Variants in ARMC2 observed in about 807,000 individuals in gnomAD.
ARMC2 encodes armadillo repeat containing 2.
A neutral mutation model predicts 90.3 loss-of-function variants in ARMC2; 67 were observed. That is an observed-to-expected ratio of 0.74 (90% CI 0.61 to 0.91). The LOEUF (loss-of-function observed/expected upper bound fraction) is 0.91. Ranked by LOEUF, ARMC2 falls within the 40% of genes least tolerant of loss-of-function variation. ARMC2 has a pLI of 0.00. For synonymous variants in ARMC2, 393 were observed against 393.0 expected, an observed-to-expected ratio of 1.00 and a Z score of 0.00; for missense variants, 920 against 1,030.9, an observed-to-expected ratio of 0.89 and a Z score of 1.47.
intron 1 of ARMC2, among the ~76,000 whole-genome samples, chr6:108,851,553 G>A (rs181180413): frequency 6.6e-6 from 1 of 152,222 alleles, no homozygotes; most frequent in Admixed American, 6.5e-5. Context: ...ATGCCTCTAA[G>A]TGCCCCACCT....
At chr6:108,924,330 C>A (rs531776872) in intron 10 of ARMC2, among the ~76,000 whole-genome samples, 61 of 152,156 alleles carry the variant, frequency 4.0e-4, no homozygotes, top group African/African-American at 1.3e-3. Flanking sequence ...CCAGCCTGGC[C>A]AACATGGCAA....
rs1168453303 is a variant in ARMC2 at position 108,856,938 on chromosome 6, T to C, written c.219-1261T>C. ...TTCCATTGATCTGTTTGTCTTTTCTTTCACCAGTACTATACTGTCTTTATT... is the reference window on the plus strand; with the variant it reads ...TTCCATTGATCTGTTTGTCTTTTCTCTCACCAGTACTATACTGTCTTTATT... On this transcript the variant is annotated intron_variant, in intron 2 of 17. Coordinates refer to ENST00000392644, the MANE Select transcript of ARMC2 (RefSeq NM_032131.6). Among the ~76,000 whole-genome samples the C allele has an allele frequency of 6.6e-5, 10 of 152,260 alleles. No individual in the cohort carries two copies. The East Asian group carries it at 1.9e-3, about 29-fold the overall frequency.
At chr6:108,877,686 C>T (rs887242138) in intron 5 of ARMC2, among the ~76,000 whole-genome samples, 2 of 152,208 alleles carry the variant, frequency 1.3e-5, no homozygotes, top group Admixed American at 1.3e-4. Flanking sequence ...TCCATCCTTA[C>T]AGTAATGAAA....
intron 3 of ARMC2, among the ~76,000 whole-genome samples, chr6:108,867,873 G>T (rs1045125724): frequency 1.3e-5 from 2 of 152,064 alleles, no homozygotes; most frequent in African/African-American, 4.8e-5. Flanking sequence ...GGCGGAGGTT[G>T]CAGTGAGCCG....
At chr6:109,005,807 A>T in the ARMC2 span, among the ~76,000 whole-genome samples, 3 of 152,212 alleles carry the variant, frequency 2.0e-5, no homozygotes, top group Admixed American at 1.3e-4. Context: ...ATTATAATCT[A>T]TATTATAAAC....
At chr6:108,956,917 A>C (rs1182893617) in intron 13 of ARMC2, among the ~76,000 whole-genome samples, 2 of 152,198 alleles carry the variant, frequency 1.3e-5, no homozygotes, top group Admixed American at 1.3e-4. Flanking sequence ...TCTTGAACCC[A>C]GGAGGTGGAG....
At chr6:108,883,136 A>C (rs879191356) in intron 5 of ARMC2, among the ~76,000 whole-genome samples, 1 of 152,244 alleles carries the variant, frequency 6.6e-6, no homozygotes, top group African/African-American at 2.4e-5. Flanking sequence ...AAGGAGAAGA[A>C]GACAGGCTGG....
At chr6:109,014,278 A>G in the ARMC2 span, among the ~76,000 whole-genome samples, 81 of 152,330 alleles carry the variant, frequency 5.3e-4, no homozygotes, top group Non-Finnish European at 9.3e-4. Flanking sequence ...CTAGGCTGAT[A>G]ATAATAAGAC....
chr6:108,995,836 T>TTG, the ARMC2 span, among the ~76,000 whole-genome samples: 1 of 149,950 alleles, frequency 6.7e-6, no homozygotes, highest in African/African-American at 2.4e-5. Flanking sequence ...CATACAAAAT[T>TTG]AATGTTTCCC....
intron 3 of ARMC2, among the ~76,000 whole-genome samples, chr6:108,862,728 G>A (rs1775403312): frequency 6.6e-6 from 1 of 152,166 alleles, no homozygotes; most frequent in Admixed American, 6.5e-5. Flanking sequence ...GTGTCTCACA[G>A]TTAAGGGACA....
chr6:109,043,569 T>C, the ARMC2 span, among the ~76,000 whole-genome samples: 5 of 152,096 alleles, frequency 3.3e-5, no homozygotes, highest in African/African-American at 1.2e-4. Flanking sequence ...TGCTTTTCTA[T>C]AGACCATCAG....
intron 5 of ARMC2, among the ~76,000 whole-genome samples, chr6:108,886,061 C>T (rs952075979): frequency 5.9e-5 from 9 of 152,290 alleles, no homozygotes; most frequent in South Asian, 2.1e-4. Flanking sequence ...GTTTGAAAAA[C>T]GAAGTGTCTT....
chr6:108,914,169 T>C (rs1773717253), intron 10 of ARMC2, among the ~76,000 whole-genome samples: 1 of 152,132 alleles, frequency 6.6e-6, no homozygotes, highest in Non-Finnish European at 1.5e-5. Flanking sequence ...TGTGTGTGTG[T>C]ATGTGTGTGT....
the ARMC2 span, chr6:109,008,637 A>C: frequency 3.7e-6 from 1 of 269,004 alleles, no homozygotes; most frequent in African/African-American, 2.3e-5. Flanking sequence ...ACAGCACCTG[A>C]TTTCAATCCA....
chr6:109,024,889 T>C, the ARMC2 span, among the ~76,000 whole-genome samples: 1 of 152,220 alleles, frequency 6.6e-6, no homozygotes, highest in Non-Finnish European at 1.5e-5. Context: ...AGTGGAACTA[T>C]CACAAATTGG....
chr6:108,933,911 G>C (rs1457095279), intron 11 of ARMC2, among the ~76,000 whole-genome samples: 1 of 152,158 alleles, frequency 6.6e-6, no homozygotes, highest in Non-Finnish European at 1.5e-5. Flanking sequence ...GCCCAGGCTG[G>C]AGTGCAGTGG....
At chr6:108,961,019 G>C (rs1288498337) in intron 13 of ARMC2, among the ~76,000 whole-genome samples, 2 of 152,212 alleles carry the variant, frequency 1.3e-5, no homozygotes, top group Admixed American at 1.3e-4. Context: ...ACTGTGTTGA[G>C]AATAGATTTA....
chr6:108,900,486 AG>A (rs1772017370), intron 7 of ARMC2, among the ~76,000 whole-genome samples: 1 of 152,198 alleles, frequency 6.6e-6, no homozygotes, highest in Non-Finnish European at 1.5e-5. Flanking sequence ...GGGAGAGCCC[AG>A]GGCCTGGCAC....
At chr6:108,907,479 CCAGT>C in intron 8 of ARMC2, 1 of 268,922 alleles carries the variant, frequency 3.7e-6, no homozygotes, top group Middle Eastern at 9.1e-4. Context: ...TTTTTTTTTA[CCAGT>C]CATCTTTTAT....
Sources: allele counts gnomAD v4.1 joint callset (sites outside exome capture counted in the v4.1 genomes callset), GRCh38; gene constraint gnomAD v4.1.1; transcripts MANE v1.5; gene names NCBI Gene and HGNC (gene_info 2026-07-23, HGNC 2026-07-21).